Variants in TENM4 observed in about 807,000 individuals in gnomAD.
TENM4 encodes teneurin-4.
Under a neutral mutation model 243.3 loss-of-function variants are expected in TENM4, and 82 were observed. The ratio of observed to expected loss-of-function variants is 0.34; its 90% CI spans 0.28 to 0.40. TENM4 has a LOEUF of 0.40. Among genes scored for constraint, TENM4 ranks in the 10% least tolerant of loss-of-function variants. TENM4 has a pLI of 1.00. For missense variants in TENM4, 3,138 were observed against 3,673.3 expected (o/e 0.85, Z 3.77); for synonymous variants, 1,412 against 1,456.3 (o/e 0.97, Z 0.69).
intron 19 of TENM4, among the ~76,000 whole-genome samples, chr11:78,746,423 A>G (rs532284227): frequency 1.3e-5 from 2 of 152,368 alleles, no homozygotes; most frequent in South Asian, 4.1e-4. Flanking sequence ...TCAGACACCA[A>G]GGGAGCGTGA....
At chr11:79,376,746 T>A (rs1443183622) in intron 1 of TENM4, among the ~76,000 whole-genome samples, 1 of 152,210 alleles carries the variant, frequency 6.6e-6, no homozygotes, top group Admixed American at 6.5e-5. Context: ...TAACTGCCTA[T>A]CCTGCCCTTG....
chr11:78,727,550 T>C (rs979588023), intron 22 of TENM4, among the ~76,000 whole-genome samples: 5 of 152,208 alleles, frequency 3.3e-5, no homozygotes, highest in African/African-American at 7.2e-5. Flanking sequence ...TTAACGACTA[T>C]GGTGTTTTTT....
intron 3 of TENM4, among the ~76,000 whole-genome samples, chr11:79,162,567 T>C (rs1175930972): frequency 6.6e-6 from 1 of 152,228 alleles, no homozygotes; most frequent in Admixed American, 6.5e-5. Flanking sequence ...TATTATTTTC[T>C]AGCTCCACCG....
chr11:79,111,787 C>T (rs1354780659), intron 4 of TENM4, among the ~76,000 whole-genome samples: 2 of 151,996 alleles, frequency 1.3e-5, no homozygotes, highest in Non-Finnish European at 2.9e-5. Flanking sequence ...TGTGGCAGCA[C>T]ACACACCACA....
At chr11:78,786,163 G>A (rs928768805) in intron 16 of TENM4, among the ~76,000 whole-genome samples, 8 of 152,230 alleles carry the variant, frequency 5.3e-5, no homozygotes, top group Non-Finnish European at 8.8e-5. Context: ...GGAAGGGAAC[G>A]AAGTGATCAG....
intron 1 of TENM4, among the ~76,000 whole-genome samples, chr11:79,301,658 T>C (rs1856550888): frequency 6.6e-6 from 1 of 152,230 alleles, no homozygotes; most frequent in Non-Finnish European, 1.5e-5. Flanking sequence ...TCACGTCGAA[T>C]TGTAATCCCC....
intron 3 of TENM4, among the ~76,000 whole-genome samples, chr11:79,172,998 A>G (rs571263727): frequency 5.7e-4 from 87 of 152,298 alleles, no homozygotes; most frequent in Admixed American, 5.7e-3. Context: ...AGAAGCAATC[A>G]GAGTAATTTT....
chr11:79,239,054 G>T (rs568815433), intron 2 of TENM4, among the ~76,000 whole-genome samples: 98 of 151,374 alleles, frequency 6.5e-4, no homozygotes, highest in Non-Finnish European at 1.2e-3. Context: ...CACGCAAAAA[G>T]AATTAGGTGC....
chr11:78,689,197 G>T (rs1315884223), intron 28 of TENM4, among the ~76,000 whole-genome samples: 1 of 152,168 alleles, frequency 6.6e-6, no homozygotes, highest in Non-Finnish European at 1.5e-5. Context: ...AGATCTATTT[G>T]CTTCCAAACT....
At chr11:79,295,494 A>T (rs990201031) in intron 2 of TENM4, among the ~76,000 whole-genome samples, 4 of 152,180 alleles carry the variant, frequency 2.6e-5, no homozygotes, top group African/African-American at 9.7e-5. Context: ...TGCTTCCTAA[A>T]CAAAGACCCT....
chr11:78,732,116 C>A (rs1443450320), intron 21 of TENM4, among the ~76,000 whole-genome samples, 200 bp downstream of exon 21: 1 of 152,066 alleles, frequency 6.6e-6, no homozygotes, highest in East Asian at 1.9e-4. Flanking sequence ...ATGTGTTTTC[C>A]ATGTGTAAGA....
chr11:79,184,559 TA>T lies in TENM4; in HGVS notation c.-163+31248del, dbSNP rs527864366. Among the ~76,000 whole-genome samples, 392 of 39,346 alleles carry T rather than the reference TA, an allele frequency of 1.0e-2. 1 individual carries two copies. The highest frequency in any genetic ancestry group is 0.037 in the African/African-American group (361 of 9,748). The allele number at this position is 39,346 out of a possible 152,430, so 25.8% of individuals were successfully genotyped here. A position where few individuals can be genotyped will look rare whatever the true frequency, so the allele number is the denominator to read the frequency against. The stretch of plus-strand genomic sequence containing the variant: ...GGGGTAGGGGTGTGGGGGTGGAGGT[TA>T]GGGGGGGTGGGAACTCCTAACCCAG... On this transcript the variant is annotated intron_variant, in intron 3 of 33. Transcript: ENST00000278550.
chr11:78,903,552 G>A, intron 6 of TENM4, 29 bp from the exon 7 acceptor site: 1 of 1,541,844 alleles, frequency 6.5e-7, no homozygotes, highest in Non-Finnish European at 8.7e-7. Context: ...GGTCAGCGGC[G>A]GTGAGCTTGG....
At chr11:79,198,605 G>A (rs1257387641) in intron 3 of TENM4, among the ~76,000 whole-genome samples, 2 of 152,220 alleles carry the variant, frequency 1.3e-5, no homozygotes, top group African/African-American at 4.8e-5. Context: ...TGAGTTGGTG[G>A]GAATAGACCC....
At chr11:79,085,394 G>T (rs1337428516) in intron 4 of TENM4, among the ~76,000 whole-genome samples, 1,114 of 79,908 alleles carry the variant, frequency 0.014, 15 homozygotes, top group South Asian at 0.098. Flanking sequence ...AAAAAGGGGG[G>T]TTTTTTTTTT....
chr11:78,845,765 C>T (rs976378172), intron 12 of TENM4, among the ~76,000 whole-genome samples: 3 of 151,374 alleles, frequency 2.0e-5, no homozygotes, highest in African/African-American at 4.9e-5. Context: ...CTGCCTTTAG[C>T]GACTGACAGA....
chr11:78,657,695 A>G lies in TENM4; in HGVS notation c.*363T>C, dbSNP rs919831149. 30 of 406,474 alleles carry G rather than the reference A, an allele frequency of 7.4e-5. No individual in the cohort carries two copies. The highest frequency in any genetic ancestry group is 7.8e-5 in the Non-Finnish European group (17 of 217,516). The allele number at this position is 406,474 out of a possible 1,614,324, so 25.2% of individuals were successfully genotyped here. Reference sequence around the variant, plus strand: ...AAGTTAGCACAGACATTCATGTCCCACATCACACTGGGTACCTAGGGACAG... The same window carrying G: ...AAGTTAGCACAGACATTCATGTCCCGCATCACACTGGGTACCTAGGGACAG... On this transcript the variant is annotated 3_prime_UTR_variant, in exon 34 of 34. Transcript: ENST00000278550.
intron 15 of TENM4, among the ~76,000 whole-genome samples, chr11:78,795,801 A>T (rs1227461758): frequency 6.6e-6 from 1 of 152,126 alleles, no homozygotes; most frequent in East Asian, 1.9e-4. Context: ...CTCCCTCACT[A>T]AGTTGGACAG....
At chr11:79,260,748 C>G (rs142892151) in intron 2 of TENM4, among the ~76,000 whole-genome samples, 4 of 152,314 alleles carry the variant, frequency 2.6e-5, no homozygotes, top group African/African-American at 9.6e-5. Context: ...CTCTCCAAGG[C>G]TGTACCTCAT....
Sources: allele counts gnomAD v4.1 joint callset (sites outside exome capture counted in the v4.1 genomes callset), GRCh38; gene constraint gnomAD v4.1.1; transcripts MANE v1.5; gene names NCBI Gene and HGNC (gene_info 2026-07-23, HGNC 2026-07-21).